ABCB4: variants seen among roughly 807,000 people sequenced by gnomAD.
ABCB4 encodes the protein phosphatidylcholine translocator ABCB4.
Under a neutral mutation model 145.7 loss-of-function variants are expected in ABCB4, and 76 were observed. The observed-to-expected ratio is 0.52, with a 90% CI of 0.43 to 0.63. ABCB4 has a LOEUF of 0.63. ABCB4 is among the 30% of genes least tolerant of loss of function. The pLI, the probability that ABCB4 is intolerant of heterozygous loss-of-function variation, is 0.00. For synonymous variants in ABCB4, 517 were observed against 566.8 expected (o/e 0.91, Z 1.25); for missense variants, 1,234 against 1,553.1 (o/e 0.79, Z 3.45).
At chr7:87,385,255 A>G in the ABCB4 span, among the ~76,000 whole-genome samples, 1 of 151,908 alleles carries the variant, frequency 6.6e-6, no homozygotes, top group African/African-American at 2.4e-5. Context: ...TTTGATAGGA[A>G]TTGCATTGAA....
In ABCB4 at chr7:87,408,168, G is replaced by A; in HGVS notation, c.3148C>T (p.Pro1050Ser). 6.2e-7 allele frequency: 1 copy of A among 1,614,200 alleles called. No homozygotes were observed. The highest frequency in any genetic ancestry group is 1.1e-5 in the South Asian group (1 of 91,086). Residue 1050 changes from proline to serine, a missense_variant, in exon 25 of 28, where the codon CCA becomes TCA. Physicochemically the swap from Pro to Ser is moderately conservative, Grantham distance 74. Coordinates refer to ENST00000649586, the MANE Select transcript of ABCB4 (RefSeq NM_000443.4). Reference protein sequence around the residue: ...VFNYPTRANVPVLQGLSLEVK... With the variant: ...VFNYPTRANVSVLQGLSLEVK... Reference sequence around the variant, plus strand: ...TCCAGGCTCAGCCCCTGAAGCACTGGCACGTTTGCTCGGGTGGGATAGTTG... The same window carrying A: ...TCCAGGCTCAGCCCCTGAAGCACTGACACGTTTGCTCGGGTGGGATAGTTG...
At chr7:87,447,706 A>C (rs1270153441) in intron 8 of ABCB4, among the ~76,000 whole-genome samples, 1 of 152,246 alleles carries the variant, frequency 6.6e-6, no homozygotes, top group South Asian at 2.1e-4. Flanking sequence ...GTTGTTGTAC[A>C]TAAACATAGG....
the ABCB4 span, among the ~76,000 whole-genome samples, chr7:87,393,965 A>G: frequency 6.6e-6 from 1 of 152,198 alleles, no homozygotes; most frequent in Non-Finnish European, 1.5e-5. Context: ...TCATGAATGC[A>G]TAAAATATAT....
chr7:87,389,520 G>C, the ABCB4 span, among the ~76,000 whole-genome samples: 1 of 151,922 alleles, frequency 6.6e-6, no homozygotes, highest in South Asian at 2.1e-4. Context: ...AACTAACACA[G>C]GAACAGAAAA....
At chr7:87,399,799 T>C (rs1231269543), downstream of ABCB4, 1 of 152,214 alleles carries the variant, frequency 6.6e-6, no homozygotes, top group Non-Finnish European at 1.5e-5. Context: ...CTGTTTGCTT[T>C]TCTGGTGCTT....
chr7:87,452,909 T>C (rs762693093), intron 6 of ABCB4, 35 bp downstream of exon 6: 19 of 1,596,710 alleles, frequency 1.2e-5, no homozygotes, highest in Non-Finnish European at 1.6e-5. Context: ...GTAATTAATT[T>C]CTATATGAAA....
chr7:87,394,740 T>TA, the ABCB4 span, among the ~76,000 whole-genome samples: 1 of 152,084 alleles, frequency 6.6e-6, no homozygotes, highest in East Asian at 1.9e-4. Context: ...GACTCTACTA[T>TA]GATTCTAGAA....
intron 5 of ABCB4, 103 bp from the exon 6 acceptor site, chr7:87,453,238 C>T: frequency 4.5e-6 from 5 of 1,121,816 alleles, no homozygotes; most frequent in Non-Finnish European, 1.3e-6. Flanking sequence ...GGCTGGAGTG[C>T]AGTGGCACCA....
chr7:87,427,012 T>C, intron 15 of ABCB4, 92 bp from the exon 16 acceptor site: 1 of 1,203,104 alleles, frequency 8.3e-7, no homozygotes, highest in South Asian at 1.3e-5. Context: ...AAGTTTAGAA[T>C]CATAAAGCAA....
chr7:87,458,501 C>T (rs1423399810), intron 4 of ABCB4, among the ~76,000 whole-genome samples: 1 of 152,128 alleles, frequency 6.6e-6, no homozygotes, highest in Non-Finnish European at 1.5e-5. Context: ...AAAGAATAGA[C>T]TAAGTAAACA....
In ABCB4 at chr7:87,417,437, C is replaced by A. The variant is rs140590844; in HGVS notation, c.2557G>T (p.Gly853Cys). The stretch of plus-strand genomic sequence containing the variant: ...AATAGCAATAGGGTTAACTGCCAAC[C>A]GTAGATAAATGATATGATAATACCA... ...GTGIIISFIY[G>C]WQLTLLLLAV... Residue 853 changes from glycine (G) to cysteine (C), a missense_variant, in exon 21 of 28, where the codon GGT (glycine) becomes TGT (cysteine). Gly to Cys is a radical substitution (Grantham distance 159). Transcript: ENST00000649586. 1 of 1,614,058 alleles carries A rather than the reference C, an allele frequency of 6.2e-7. No individual in the cohort carries two copies. The highest frequency in any genetic ancestry group is 1.1e-5 in the South Asian group (1 of 91,070).
Position 87,451,382 on chromosome 7 carries a change from T to C in ABCB4, c.708+241A>G, listed in dbSNP as rs2270187. 0.27 allele frequency among the ~76,000 whole-genome samples: 40,565 copies of C among 151,978 alleles called. 6,556 individuals are homozygous for C. The highest frequency in any genetic ancestry group is 0.46 in the African/African-American group (19,090 of 41,420). On this transcript the variant is annotated intron_variant, in intron 7 of 27. Coordinates refer to ENST00000649586, the MANE Select transcript of ABCB4 (RefSeq NM_000443.4). ...AACTCCTGACCTCAAGTGATTTATG[T>C]ACCTTGGCCTCCCAAAGTGCTGGGA...
intron 14 of ABCB4, among the ~76,000 whole-genome samples, 196 bp downstream of exon 14, chr7:87,439,471 A>G (rs1810825299): frequency 6.6e-6 from 1 of 152,192 alleles, no homozygotes; most frequent in Admixed American, 6.5e-5. Flanking sequence ...TCACTGCACC[A>G]TGGTCAAAAC....
rs1175970449 is a variant in ABCB4 at position 87,466,275 on chromosome 7, G to A, written c.136-3367C>T. ...AAGCACAAGCTTCAGTAGCCAATTC[G>A]ATCAAGTGGAAGAAAGGGTATCAGT... On this transcript the variant is annotated intron_variant, in intron 3 of 27. Coordinates refer to ENST00000649586, the MANE Select transcript of ABCB4 (RefSeq NM_000443.4). Among the ~76,000 whole-genome samples, 6 of 152,116 alleles carry A rather than the reference G, an allele frequency of 3.9e-5. No homozygotes were observed. The East Asian group carries it at 9.6e-4, about 24-fold the overall frequency.
the ABCB4 span, among the ~76,000 whole-genome samples, chr7:87,383,627 G>T: frequency 6.6e-6 from 1 of 151,794 alleles, no homozygotes; most frequent in Non-Finnish European, 1.5e-5. Flanking sequence ...CTCCTGAGTA[G>T]CTGGGATTAC....
chr7:87,475,966 G>T (rs1464422269), upstream of ABCB4, among the ~76,000 whole-genome samples: 1 of 152,206 alleles, frequency 6.6e-6, no homozygotes, highest in African/African-American at 2.4e-5. Flanking sequence ...TCAGGCTGGA[G>T]CCTCGGGTGC....
At chr7:87,395,884 T>C in the ABCB4 span, among the ~76,000 whole-genome samples, 1 of 152,136 alleles carries the variant, frequency 6.6e-6, no homozygotes, top group Non-Finnish European at 1.5e-5. Flanking sequence ...GAAAGGATTG[T>C]CACCAAGGAT....
chr7:87,391,569 CTT>C, the ABCB4 span: 3 of 1,582,608 alleles, frequency 1.9e-6, no homozygotes, highest in South Asian at 2.4e-5. Flanking sequence ...ATGATACACT[CTT>C]TTAATTTTTT....
chr7:87,460,673 C>T (rs1013358808), intron 4 of ABCB4, among the ~76,000 whole-genome samples: 2 of 147,898 alleles, frequency 1.4e-5, no homozygotes, highest in Admixed American at 1.3e-4. Flanking sequence ...TATTTTGAGA[C>T]AAGGTCTTGC....
Sources: gnomAD v4.1 joint callset for allele counts (sites outside exome capture counted in the v4.1 genomes callset) on GRCh38, gnomAD v4.1.1 for gene constraint, MANE v1.5 for transcripts, NCBI Gene and HGNC (gene_info 2026-07-23, HGNC 2026-07-21) for gene names.